The following DNAAF5 variants were observed in gnomAD, a reference collection of about 807,000 sequenced individuals.
DNAAF5 encodes the protein HEAT repeat containing 2.
In DNAAF5, 64 loss-of-function variants were observed where a neutral mutation model predicts 75.8. The ratio of observed to expected loss-of-function variants is 0.84; its 90% CI spans 0.69 to 1.04. The LOEUF (loss-of-function observed/expected upper bound fraction) is 1.04. Ranked by LOEUF, DNAAF5 falls within the 50% of genes least tolerant of loss-of-function variation. The pLI is 0.00. For synonymous variants in DNAAF5, 657 were observed against 557.2 expected (o/e 1.18, Z -2.52); for missense variants, 1,269 against 1,178.5 (o/e 1.08, Z -1.12).
In DNAAF5 at chr7:727,294, G is replaced by A; in HGVS notation, c.574G>A (p.Ala192Thr). ...VRRESCSCAAALAQATPDHFH... is the reference protein window; with the variant it reads ...VRRESCSCAATLAQATPDHFH... ...CCGCGAGAGCTGCAGCTGCGCCGCC[G>A]CCCTGGCGCAGGCCACGCCCGGTGA... The change falls in exon 1 of 13, where the codon GCC becomes ACC. Residue 192 changes from alanine to threonine, a missense_variant. Ala to Thr is a moderately conservative substitution (Grantham distance 58). Coordinates refer to ENST00000297440, the MANE Select transcript of DNAAF5 (RefSeq NM_017802.4). The A allele has an allele frequency of 1.5e-6, 2 of 1,297,534 alleles. No individual in the cohort carries two copies. The highest frequency in any genetic ancestry group is 9.7e-7 in the Non-Finnish European group (1 of 1,026,294). 80.4% of individuals were successfully genotyped at this position (1,297,534 alleles called of 1,614,324 possible). A position where few individuals can be genotyped will look rare whatever the true frequency, so the allele number is the denominator to read the frequency against.
chr7:763,173 G>A (rs1782719256), intron 7 of DNAAF5, among the ~76,000 whole-genome samples: 1 of 152,166 alleles, frequency 6.6e-6, no homozygotes, highest in East Asian at 1.9e-4. Context: ...AGGGGCGTGT[G>A]TCTCAGCAGA....
intron 12 of DNAAF5, among the ~76,000 whole-genome samples, chr7:780,368 C>T (rs190461454): frequency 2.5e-4 from 38 of 152,320 alleles, no homozygotes; most frequent in African/African-American, 8.4e-4. Context: ...TGAGAGTATT[C>T]TAGAATACTT....
chr7:739,373 G>A (rs575166339), intron 2 of DNAAF5, among the ~76,000 whole-genome samples: 4 of 152,282 alleles, frequency 2.6e-5, no homozygotes, highest in African/African-American at 4.8e-5. Context: ...GTCTCTGCTC[G>A]AGACCTGCCG....
intron 8 of DNAAF5, chr7:769,026 C>G (rs1345071965): frequency 1.6e-6 from 1 of 627,374 alleles, no homozygotes; most frequent in Non-Finnish European, 2.9e-6. Flanking sequence ...GGGAGGCCCT[C>G]CAAGACACCA....
In DNAAF5 at chr7:726,882, G is replaced by C; in HGVS notation, c.162G>C (p.Arg54=). Residue 54 remains arginine, a synonymous_variant, in exon 1 of 13, where the codon CGG becomes CGC. Transcript: ENST00000297440. ...GGCGGCGCGCCTTGGAGGCCCTGCG[G>C]CGCGCGCTGGAGGAGCCAGGCCCTG... is the stretch of plus-strand genomic sequence containing the variant. ...PGRRRALEAL[R]RALEEPGPAA... The C allele has an allele frequency of 7.5e-7, 1 of 1,327,900 alleles. No individual in the cohort carries two copies. Among genetic ancestry groups the C allele is most frequent in the Non-Finnish European group, 9.6e-7 (1 of 1,041,244 alleles). The allele number at this position is 1,327,900 out of a possible 1,614,324, so 82.3% of individuals were successfully genotyped here. A position where few individuals can be genotyped will look rare whatever the true frequency, so the allele number is the denominator to read the frequency against.
chr7:768,269 G>A (rs1296160845), intron 8 of DNAAF5, among the ~76,000 whole-genome samples: 70 of 149,458 alleles, frequency 4.7e-4, no homozygotes, highest in African/African-American at 1.6e-3. Flanking sequence ...AGGAGCTAGC[G>A]CTGGGAGGGG....
At chr7:739,356 C>G (rs930340460) in intron 2 of DNAAF5, among the ~76,000 whole-genome samples, 2 of 152,162 alleles carry the variant, frequency 1.3e-5, no homozygotes, top group Non-Finnish European at 2.9e-5. Flanking sequence ...GCATTAAACC[C>G]TGGGCTGTCT....
chr7:778,425 A>G (rs1778833101), intron 11 of DNAAF5: 1 of 152,204 alleles, frequency 6.6e-6, no homozygotes, highest in Non-Finnish European at 1.5e-5. Context: ...GGGAGCACAG[A>G]CATCCAGGCC....
At chr7:741,591 G>A (rs1237036784) in intron 4 of DNAAF5, 126 bp downstream of exon 4, 7 of 633,590 alleles carry the variant, frequency 1.1e-5, no homozygotes, top group African/African-American at 1.8e-5. Flanking sequence ...TCGGAAAGGT[G>A]CAGGCGTCTC....
At chr7:753,674 T>C (rs1256499718) in intron 4 of DNAAF5, among the ~76,000 whole-genome samples, 1 of 151,422 alleles carries the variant, frequency 6.6e-6, no homozygotes, top group Non-Finnish European at 1.5e-5. Context: ...CAGGCTTGTC[T>C]CTCTGATCAT....
intron 4 of DNAAF5, among the ~76,000 whole-genome samples, chr7:745,573 A>G (rs930774355): frequency 6.6e-5 from 10 of 152,118 alleles, no homozygotes; most frequent in African/African-American, 2.2e-4. Flanking sequence ...GCACATGTGC[A>G]CACCCATATA....
chr7:727,246 C>G lies in DNAAF5; in HGVS notation c.526C>G (p.Leu176Val). The G allele has an allele frequency of 7.4e-7, 1 of 1,348,656 alleles. No homozygotes were observed. Among genetic ancestry groups the G allele is most frequent in the Non-Finnish European group, 9.5e-7 (1 of 1,053,254 alleles). The allele number at this position is 1,348,656 out of a possible 1,614,324, so 83.5% of individuals were successfully genotyped here. A position where few individuals can be genotyped will look rare whatever the true frequency, so the allele number is the denominator to read the frequency against. The change falls in exon 1 of 13, where the codon CTC (leucine) becomes GTC (valine). Residue 176 changes from leucine (L) to valine (V), a missense_variant. By Grantham distance (32) the Leu-to-Val change is conservative. Coordinates refer to ENST00000297440, the MANE Select transcript of DNAAF5 (RefSeq NM_017802.4). ...DALRALRCSL[L>V]DPFAAVRRES... ...TCTGCGCGCGCTGCGCTGCTCCCTGCTCGACCCCTTCGCCGCCGTGCGCCG... is the reference window on the plus strand; with the variant it reads ...TCTGCGCGCGCTGCGCTGCTCCCTGGTCGACCCCTTCGCCGCCGTGCGCCG...
At chr7:779,785 G>A (rs1359639289) in intron 11 of DNAAF5, 168 bp from the exon 12 acceptor site, 1 of 617,384 alleles carries the variant, frequency 1.6e-6, no homozygotes, top group African/African-American at 1.9e-5. Flanking sequence ...AGGTCGCCAG[G>A]AGCACCTTGC....
At chr7:750,151 G>C (rs931074140) in intron 4 of DNAAF5, among the ~76,000 whole-genome samples, 3 of 152,200 alleles carry the variant, frequency 2.0e-5, no homozygotes, top group African/African-American at 7.2e-5. Flanking sequence ...TTCTGTGTTT[G>C]GAAACACTCA....
chr7:750,009 A>G (rs1028296172), intron 4 of DNAAF5, among the ~76,000 whole-genome samples: 1 of 152,178 alleles, frequency 6.6e-6, no homozygotes, highest in East Asian at 1.9e-4. Flanking sequence ...TATGTCTGCT[A>G]TAATATTAAG....
chr7:737,588 C>CTTA (rs1781776019), intron 2 of DNAAF5, among the ~76,000 whole-genome samples: 2 of 152,224 alleles, frequency 1.3e-5, no homozygotes, highest in South Asian at 4.1e-4. Context: ...CCCTCTTTAA[C>CTTA]ATTTCCTGTA....
rs767510727 is a variant in DNAAF5, at chr7:761,907, CAGT to C, written c.1614+12_1614+14del. The C allele has an allele frequency of 3.2e-6, 5 of 1,562,888 alleles. No homozygotes were observed. The East Asian group carries it at 1.2e-4, about 37-fold the overall frequency. ...GGCCTGAGGGACAAGGTAAGGCTGA[CAGT>C]GGTGGCTGCTGCTTGACCTAGCGGA... On this transcript the variant is annotated intron_variant, in intron 7 of 12. Coordinates refer to ENST00000297440, the MANE Select transcript of DNAAF5 (RefSeq NM_017802.4).
At chr7:768,075 G>A (rs377339054) in intron 8 of DNAAF5, among the ~76,000 whole-genome samples, 14 of 148,148 alleles carry the variant, frequency 9.5e-5, no homozygotes, top group East Asian at 7.7e-4. Context: ...GGAAGTGTCC[G>A]TGCAGCGAGC....
rs1159983405 is a variant in DNAAF5, at chr7:756,658, C to G, written c.1258-124C>G. 4.8e-6 allele frequency: 4 copies of G among 830,406 alleles called. No homozygotes were observed. In the Admixed American group the frequency reaches 6.3e-5, roughly 13 times the overall value. 51.4% of individuals were successfully genotyped at this position (830,406 alleles called of 1,614,324 possible). On this transcript the variant is annotated intron_variant, in intron 5 of 12. Coordinates refer to ENST00000297440, the MANE Select transcript of DNAAF5 (RefSeq NM_017802.4). ...GCTCTGAGCATGTGCCAAGGACTCA[C>G]TCTGCCTAACACGGGGCTCTGTCTG...
Sources: allele counts gnomAD v4.1 joint callset (sites outside exome capture counted in the v4.1 genomes callset), GRCh38; gene constraint gnomAD v4.1.1; transcripts MANE v1.5; gene names NCBI Gene and HGNC (gene_info 2026-07-23, HGNC 2026-07-21).